The following NF1 variants were observed in gnomAD, a reference collection of about 807,000 sequenced individuals.
NF1 encodes neurofibromin 1.
NF1 carries 122 observed loss-of-function variants against 325.7 expected under a neutral mutation model. That is an observed-to-expected ratio of 0.37 (90% CI 0.32 to 0.44). NF1 has a LOEUF of 0.44. NF1 is among the 20% of genes least tolerant of loss of function. NF1 has a pLI of 1.00. For synonymous variants in NF1, 1,091 were observed against 1,186.0 expected (o/e 0.92, Z 1.65); for missense variants, 2,140 against 3,415.4 (o/e 0.63, Z 9.31).
rs17886876 is a variant in NF1 at position 31,341,894 on chromosome 17, AAG to A, written c.7063-1112_7063-1111del. The stretch of plus-strand genomic sequence containing the variant: ...TAAAAATGGGAAGGGTCTAGGAGAA[AAG>A]AGGGGAATGTTTTTAAAAGAATGTG... On this transcript the variant is annotated intron_variant, in intron 47 of 57. Coordinates refer to ENST00000358273, the MANE Select transcript of NF1 (RefSeq NM_001042492.3). 3.7e-3 allele frequency among the ~76,000 whole-genome samples: 556 copies of A among 152,232 alleles called. 6 individuals carry two copies. The highest frequency in any genetic ancestry group is 0.013 in the African/African-American group (527 of 41,526).
Position 31,318,367 on chromosome 17 carries a change from G to A in NF1, c.4836-7453G>A, listed in dbSNP as rs373535159. ...TTCATCTTTTCTTTCCCTTGTAGCT[G>A]TGAGCACTCCAGTAGATTGCATCAC... is the stretch of plus-strand genomic sequence containing the variant. On this transcript the variant is annotated intron_variant, in intron 36 of 57. Coordinates refer to ENST00000358273, the MANE Select transcript of NF1 (RefSeq NM_001042492.3). The A allele has an allele frequency of 6.2e-7, 1 of 1,613,716 alleles. No homozygotes were observed. The highest frequency in any genetic ancestry group is 1.3e-5 in the African/African-American group (1 of 74,832).
intron 1 of NF1, among the ~76,000 whole-genome samples, chr17:31,108,527 C>T (rs1334897705): frequency 6.6e-6 from 1 of 152,140 alleles, no homozygotes; most frequent in Admixed American, 6.5e-5. Context: ...CCACCCGCCT[C>T]AGTCTCCCAA....
In NF1 at chr17:31,282,927, A is replaced by G. The variant is rs565045521; in HGVS notation, c.4835+17588A>G. 2.6e-5 allele frequency among the ~76,000 whole-genome samples: 4 copies of G among 152,288 alleles called. No individual in the cohort carries two copies. In the South Asian group the frequency reaches 8.3e-4, roughly 32 times the overall value. ...TCTGTACATCTTCACCCAACACTTG[A>G]TATTGTCTGTCTTTCTAGACAAATT... On this transcript the variant is annotated intron_variant, in intron 36 of 57. Coordinates refer to ENST00000358273, the MANE Select transcript of NF1 (RefSeq NM_001042492.3).
intron 36 of NF1, among the ~76,000 whole-genome samples, chr17:31,321,306 G>A (rs549596390): frequency 1.4e-4 from 22 of 152,166 alleles, no homozygotes; most frequent in Non-Finnish European, 2.5e-4. Flanking sequence ...ACTCCATGGC[G>A]ATGGCAAATT....
intron 8 of NF1, among the ~76,000 whole-genome samples, chr17:31,197,252 T>G (rs933121399): frequency 6.6e-6 from 1 of 151,908 alleles, no homozygotes; most frequent in African/African-American, 2.4e-5. Flanking sequence ...TTCACCATGT[T>G]AGCCAGGATG....
chr17:31,360,823 A>C (rs2070380454), intron 57 of NF1, 120 bp downstream of exon 57: 2 of 849,616 alleles, frequency 2.4e-6, no homozygotes, highest in African/African-American at 3.3e-5. Flanking sequence ...TTCACCTTAC[A>C]TTTCTTCTTT....
rs1224495935 is a variant in NF1, at chr17:31,336,620, C to T, written c.6148-15C>T. The T allele has an allele frequency of 6.5e-7, 1 of 1,542,336 alleles. No individual in the cohort carries two copies. The highest frequency in any genetic ancestry group is 1.5e-5 in the African/African-American group (1 of 68,734). Reference sequence around the variant, plus strand: ...TGTTTTTTTTTTTAAAAAAAAAAATCCTGCTTCTTTACAGGTTATTGGAAG... The same window carrying T: ...TGTTTTTTTTTTTAAAAAAAAAAATTCTGCTTCTTTACAGGTTATTGGAAG... On this transcript the variant is annotated splice_polypyrimidine_tract_variant and intron_variant, in intron 41 of 57. Coordinates refer to ENST00000358273, the MANE Select transcript of NF1 (RefSeq NM_001042492.3). The surrounding 1 kb of genome is among the most constrained non-coding windows in gnomAD (Gnocchi z 5.5).
At chr17:31,215,216 A>G (rs772322449) in intron 13 of NF1, among the ~76,000 whole-genome samples, 1 of 152,150 alleles carries the variant, frequency 6.6e-6, no homozygotes, top group African/African-American at 2.4e-5. Flanking sequence ...CCTGACCTCA[A>G]GCCATCCTCC....
intron 1 of NF1, among the ~76,000 whole-genome samples, chr17:31,109,388 CTTT>C (rs1237449811): frequency 2.6e-5 from 4 of 151,060 alleles, no homozygotes; most frequent in Non-Finnish European, 5.9e-5. Context: ...TCTTTTTTTT[CTTT>C]TTCTTTTTTT....
chr17:31,240,269 C>T (rs191841568), intron 29 of NF1, among the ~76,000 whole-genome samples: 1 of 152,056 alleles, frequency 6.6e-6, no homozygotes, highest in African/African-American at 2.4e-5. Flanking sequence ...TCATTCTACT[C>T]TCTATCTCCA....
At chr17:31,115,025 A>G (rs1418391271) in intron 1 of NF1, among the ~76,000 whole-genome samples, 2 of 152,182 alleles carry the variant, frequency 1.3e-5, no homozygotes, top group Non-Finnish European at 2.9e-5. Context: ...TTATGTAGCA[A>G]CAGTACAGTA....
rs190051933 is a variant in NF1 at position 31,367,456 on chromosome 17, C to T, written c.8378-6557C>T. 3.3e-5 allele frequency among the ~76,000 whole-genome samples: 5 copies of T among 152,186 alleles called. No homozygotes were observed. The East Asian group carries it at 5.8e-4, about 18-fold the overall frequency. On this transcript the variant is annotated intron_variant, in intron 57 of 57. Transcript: ENST00000358273. The stretch of plus-strand genomic sequence containing the variant: ...TGGTACTTAACAGGAATTGCACGGC[C>T]AGTGTGTGGCCTGTCTTGTTTAAGG...
intron 29 of NF1, among the ~76,000 whole-genome samples, 166 bp downstream of exon 29, chr17:31,236,187 A>G (rs1391610973): frequency 1.3e-5 from 2 of 151,882 alleles, no homozygotes; most frequent in African/African-American, 4.8e-5. Flanking sequence ...TGATATCTGT[A>G]ATTTTTTTTT....
intron 36 of NF1, chr17:31,317,576 A>T (rs1241410948): frequency 1.3e-5 from 2 of 152,102 alleles, no homozygotes; most frequent in African/African-American, 2.4e-5. Context: ...TGTGGCTATA[A>T]ATCTTATTTA....
intron 1 of NF1, among the ~76,000 whole-genome samples, chr17:31,123,709 C>G (rs1262878023): frequency 6.6e-6 from 1 of 152,194 alleles, no homozygotes; most frequent in Non-Finnish European, 1.5e-5. Context: ...TCAGTTTAGG[C>G]TGCTATAACA....
chr17:31,310,959 CG>C (rs1018320130), intron 36 of NF1, among the ~76,000 whole-genome samples: 2 of 137,396 alleles, frequency 1.5e-5, no homozygotes, highest in African/African-American at 5.5e-5. Context: ...TTTTTTTTTC[CG>C]TTTGGAGACA....
intron 3 of NF1, among the ~76,000 whole-genome samples, chr17:31,161,183 A>C (rs1384656751): frequency 6.6e-6 from 1 of 151,098 alleles, no homozygotes; most frequent in Non-Finnish European, 1.5e-5. Context: ...GAGGAATCTT[A>C]AGTATTTTTG....
At chr17:31,268,065 C>T (rs1292039073) in intron 36 of NF1, among the ~76,000 whole-genome samples, 1 of 152,208 alleles carries the variant, frequency 6.6e-6, no homozygotes, top group Admixed American at 6.5e-5. Context: ...GGTGCTGGAA[C>T]TGGCTATGCT....
intron 25 of NF1, among the ~76,000 whole-genome samples, 167 bp from the exon 26 acceptor site, chr17:31,232,533 T>A (rs960757813): frequency 2.0e-5 from 3 of 152,150 alleles, no homozygotes; most frequent in Non-Finnish European, 4.4e-5. Context: ...ATGTCCAACA[T>A]AGCACACTTC....
Sources: allele counts gnomAD v4.1 joint callset (sites outside exome capture counted in the v4.1 genomes callset), GRCh38; gene constraint gnomAD v4.1.1; non-coding constraint Gnocchi (gnomAD v3.1); transcripts MANE v1.5; gene names NCBI Gene and HGNC (gene_info 2026-07-23, HGNC 2026-07-21).